WDR45B: variants seen among roughly 807,000 people sequenced by gnomAD.
WDR45B encodes the protein WD repeat domain phosphoinositide-interacting protein 3.
In WDR45B, 20 loss-of-function variants were observed where a neutral mutation model predicts 44.6. That is an observed-to-expected ratio of 0.45 (90% CI 0.32 to 0.65). WDR45B has a LOEUF of 0.65. WDR45B is among the 30% of genes least tolerant of loss of function. WDR45B has a pLI of 0.05. For missense variants in WDR45B, 323 were observed against 430.2 expected (o/e 0.75, Z 2.20); for synonymous variants, 169 against 164.9 (o/e 1.02, Z -0.19).
intron 2 of WDR45B, among the ~76,000 whole-genome samples, chr17:82,631,875 G>A (rs1170859165): frequency 6.6e-6 from 1 of 151,846 alleles, no homozygotes; most frequent in Non-Finnish European, 1.5e-5. Flanking sequence ...ATGAGGTCAA[G>A]AGACTGAGAC....
chr17:82,627,133 T>A, intron 4 of WDR45B, 71 bp downstream of exon 4: 3 of 1,264,296 alleles, frequency 2.4e-6, no homozygotes, highest in Non-Finnish European at 3.5e-6. Context: ...CTGCCAAAAA[T>A]AGAAAAGTAT....
chr17:82,618,711 G>A (rs559445658), intron 7 of WDR45B, among the ~76,000 whole-genome samples: 4 of 152,050 alleles, frequency 2.6e-5, no homozygotes, highest in Non-Finnish European at 5.9e-5. Flanking sequence ...TCCAGCCTGG[G>A]CGACAGAGCA....
rs2143406452 is a variant in WDR45B, at chr17:82,648,430, G to T, written c.-90C>A. The stretch of plus-strand genomic sequence containing the variant: ...GTCCCTTCGGGCCGGCGCTGAGGCC[G>T]CCGCGGCCGGAAGTGCCGGACGTAC... On this transcript the variant is annotated 5_prime_UTR_variant, in exon 1 of 10. Coordinates refer to ENST00000392325, the MANE Select transcript of WDR45B (RefSeq NM_019613.4). 2.0e-6 allele frequency: 3 copies of T among 1,492,146 alleles called. No individual in the cohort carries two copies. Among genetic ancestry groups the T allele is most frequent in the East Asian group, 2.6e-5 (1 of 39,196 alleles). The allele number at this position is 1,492,146 out of a possible 1,614,324, so 92.4% of individuals were successfully genotyped here.
At chr17:82,616,487 G>T in intron 9 of WDR45B, 37 bp downstream of exon 9, 1 of 1,612,596 alleles carries the variant, frequency 6.2e-7, no homozygotes, top group South Asian at 1.1e-5. Flanking sequence ...CCCAGGTGGG[G>T]CGGGTGGGGA....
chr17:82,618,909 AG>A, intron 7 of WDR45B, 133 bp downstream of exon 7: 1 of 770,828 alleles, frequency 1.3e-6, no homozygotes, highest in Non-Finnish European at 2.3e-6. Context: ...ACCCCCTAGC[AG>A]CCCAAGCTTC....
At chr17:82,624,145 C>T (rs148476420) in intron 5 of WDR45B, among the ~76,000 whole-genome samples, 113 of 152,260 alleles carry the variant, frequency 7.4e-4, no homozygotes, top group African/African-American at 2.6e-3. Flanking sequence ...AGCCAAAACA[C>T]GGCCGAAGGG....
chr17:82,623,407 A>C (rs1193357320), intron 5 of WDR45B, among the ~76,000 whole-genome samples: 1 of 147,094 alleles, frequency 6.8e-6, no homozygotes, highest in Non-Finnish European at 1.5e-5. Flanking sequence ...AAAAAAACAA[A>C]CAAAAAAAAT....
chr17:82,633,869 G>GC (rs2045799514), intron 2 of WDR45B, among the ~76,000 whole-genome samples: 1 of 151,964 alleles, frequency 6.6e-6, no homozygotes, highest in Admixed American at 6.6e-5. Flanking sequence ...TAATAAAAAG[G>GC]CCAGGCGTGG....
chr17:82,616,758 G>A (rs2045541960), intron 8 of WDR45B, 113 bp from the exon 9 acceptor site: 1 of 1,384,166 alleles, frequency 7.2e-7, no homozygotes, highest in Non-Finnish European at 1.0e-6. Flanking sequence ...TATGGTTTGA[G>A]CTTTAATGAA....
At chr17:82,628,991 C>A in intron 3 of WDR45B, among the ~76,000 whole-genome samples, 1 of 152,046 alleles carries the variant, frequency 6.6e-6, no homozygotes, top group East Asian at 1.9e-4. Flanking sequence ...CACAGTGAGA[C>A]CCTGTCTCAA....
chr17:82,633,534 C>T (rs990862107), intron 2 of WDR45B, among the ~76,000 whole-genome samples: 1 of 152,002 alleles, frequency 6.6e-6, no homozygotes, highest in Admixed American at 6.6e-5. Flanking sequence ...AATTTTTTTT[C>T]TTTTTTTGAG....
At chr17:82,623,947 C>G (rs1329867783) in intron 5 of WDR45B, among the ~76,000 whole-genome samples, 3 of 150,704 alleles carry the variant, frequency 2.0e-5, no homozygotes. Flanking sequence ...CTGGAACACT[C>G]ATAAATCATG....
chr17:82,622,983 C>T (rs2045639246), intron 5 of WDR45B, among the ~76,000 whole-genome samples: 1 of 152,090 alleles, frequency 6.6e-6, no homozygotes, highest in Non-Finnish European at 1.5e-5. Context: ...TGAAATGGAT[C>T]GAAGATTTAA....
intron 1 of WDR45B, among the ~76,000 whole-genome samples, chr17:82,647,380 C>G (rs1037736442): frequency 8.5e-5 from 13 of 152,194 alleles, no homozygotes; most frequent in African/African-American, 2.9e-4. Context: ...CCATCAGGAC[C>G]TTTGGGAAGC....
chr17:82,619,696 A>G (rs2045587921), intron 6 of WDR45B, among the ~76,000 whole-genome samples: 1 of 152,150 alleles, frequency 6.6e-6, no homozygotes. Flanking sequence ...GCTGATTCTG[A>G]CAGCTGGGAA....
chr17:82,643,482 C>A (rs144737816), intron 2 of WDR45B, among the ~76,000 whole-genome samples: 2 of 151,942 alleles, frequency 1.3e-5, no homozygotes, highest in Non-Finnish European at 2.9e-5. Flanking sequence ...GAGAAATTTG[C>A]CCAAGGTCGC....
At chr17:82,645,990 G>A (rs1400699846) in intron 1 of WDR45B, among the ~76,000 whole-genome samples, 1 of 151,804 alleles carries the variant, frequency 6.6e-6, no homozygotes, top group Non-Finnish European at 1.5e-5. Context: ...GAGCGGTGGC[G>A]GGCACCTGTA....
intron 6 of WDR45B, 76 bp from the exon 7 acceptor site, chr17:82,619,204 AC>A: frequency 7.3e-7 from 1 of 1,365,132 alleles, no homozygotes; most frequent in Non-Finnish European, 1.0e-6. Context: ...ACTCACATTC[AC>A]AAATCCATTA....
chr17:82,625,287 C>T lies in WDR45B; in HGVS notation c.427+102G>A, dbSNP rs2045679975. Reference sequence around the variant, plus strand: ...CCTCTGTGCTCAGGATTGCTCTCGCCAAGCACTTTGCTCAGAGACCTGCTT... The same window carrying T: ...CCTCTGTGCTCAGGATTGCTCTCGCTAAGCACTTTGCTCAGAGACCTGCTT... On this transcript the variant is annotated intron_variant, in intron 5 of 9. Transcript: ENST00000392325. 2.5e-6 allele frequency: 3 copies of T among 1,188,908 alleles called. No homozygotes were observed. In the South Asian group the frequency reaches 3.7e-5, roughly 15 times the overall value. The allele number at this position is 1,188,908 out of a possible 1,614,324, so 73.6% of individuals were successfully genotyped here.
Sources: allele counts gnomAD v4.1 joint callset (sites outside exome capture counted in the v4.1 genomes callset), GRCh38; gene constraint gnomAD v4.1.1; transcripts MANE v1.5; gene names NCBI Gene and HGNC (gene_info 2026-07-23, HGNC 2026-07-21).